The following ADAM28 variants were observed in gnomAD, a reference collection of about 807,000 sequenced individuals.
The protein encoded by ADAM28 is ADAM metallopeptidase domain 28.
ADAM28 carries 105 observed loss-of-function variants against 101.2 expected under a neutral mutation model. The ratio of observed to expected loss-of-function variants is 1.04; its 90% CI spans 0.89 to 1.22. The LOEUF is 1.22. Ranked by LOEUF, ADAM28 falls within the 50% of genes most tolerant of loss-of-function variation. The pLI is 0.00. For missense variants in ADAM28, 1,028 were observed against 945.4 expected, an observed-to-expected ratio of 1.09 and a Z score of -1.15; for synonymous variants, 322 against 310.6, an observed-to-expected ratio of 1.04 and a Z score of -0.39.
chr8:24,339,715 C>A, intron 15 of ADAM28, 147 bp downstream of exon 15: 1 of 674,486 alleles, frequency 1.5e-6, no homozygotes, highest in Non-Finnish European at 2.5e-6. Context: ...CTACTATGTG[C>A]CATGATGTGG....
chr8:24,332,509 G>C, intron 12 of ADAM28, 151 bp from the exon 13 acceptor site: 1 of 387,598 alleles, frequency 2.6e-6, no homozygotes, highest in Non-Finnish European at 4.7e-6. Flanking sequence ...CAAAATTTCA[G>C]GTTTTCTAAT....
At position 24,339,816 on chromosome 8, in the gene ADAM28, C is replaced by A. The variant is rs570904465; in HGVS notation, c.1670+248C>A. ...TGCTTCAGATGACACAAAGCACAGT[C>A]ATTGTTGGGTAGAATGAATGGTTGT... is the stretch of plus-strand genomic sequence containing the variant. On this transcript the variant is annotated intron_variant, in intron 15 of 22. Transcript: ENST00000265769. 3.3e-5 allele frequency among the ~76,000 whole-genome samples: 5 copies of A among 152,218 alleles called. No homozygotes were observed. The East Asian group carries it at 9.6e-4, about 29-fold the overall frequency.
At chr8:24,327,031 G>C (rs995681310) in intron 10 of ADAM28, among the ~76,000 whole-genome samples, 1 of 152,036 alleles carries the variant, frequency 6.6e-6, no homozygotes, top group Admixed American at 6.6e-5. Context: ...ACATAGTATT[G>C]GAAGTTCTGG....
At chr8:24,341,908 C>T (rs1291318321) in intron 16 of ADAM28, 151 bp downstream of exon 16, 1 of 906,900 alleles carries the variant, frequency 1.1e-6, no homozygotes, top group African/African-American at 1.7e-5. Context: ...GAATTTGGAA[C>T]ACAGAAATGA....
intron 1 of ADAM28, among the ~76,000 whole-genome samples, chr8:24,297,543 A>C (rs991504057): frequency 6.6e-5 from 10 of 152,222 alleles, no homozygotes; most frequent in African/African-American, 2.2e-4. Flanking sequence ...GTGTGTTCTA[A>C]TATAGCATTT....
chr8:24,323,625 C>T (rs971500789), intron 8 of ADAM28, among the ~76,000 whole-genome samples: 1 of 151,866 alleles, frequency 6.6e-6, no homozygotes, highest in Non-Finnish European at 1.5e-5. Flanking sequence ...GTTTACGGAC[C>T]TAAACTATCT....
Position 24,349,959 on chromosome 8 carries a change from A to C in ADAM28, c.2086A>C (p.Lys696Gln), listed in dbSNP as rs34932246. 4,183 of 1,613,518 alleles carry C rather than the reference A, an allele frequency of 2.6e-3. 102 individuals are homozygous for C. In the African/African-American group the frequency reaches 0.049, roughly 19 times the overall value. Residue 696 changes from lysine to glutamine, a missense_variant, in exon 19 of 23, where the codon AAG becomes CAG. Transcript: ENST00000265769. Reference sequence around the variant, plus strand: ...GCACCAGAGCTCCAGAGAAAAGCAGAAGAAAGATCAGAGGTGATCCTTTAT... The same window carrying C: ...GCACCAGAGCTCCAGAGAAAAGCAGCAGAAAGATCAGAGGTGATCCTTTAT... Reference protein sequence around the residue: ...IRHQSSREKQKKDQRPLSTTG... With the variant: ...IRHQSSREKQQKDQRPLSTTG...
intron 18 of ADAM28, chr8:24,346,832 TGTTA>T (rs970529837): frequency 6.6e-6 from 1 of 152,116 alleles, no homozygotes; most frequent in African/African-American, 2.4e-5. Flanking sequence ...ATAATCATTT[TGTTA>T]GTTTTCTTTG....
chr8:24,357,820 C>T lies in ADAM28; in HGVS notation c.*3416C>T, dbSNP rs933082864. On this transcript the variant is annotated 3_prime_UTR_variant, in exon 23 of 23. Coordinates refer to ENST00000265769, the MANE Select transcript of ADAM28 (RefSeq NM_014265.6). ...ATTTGTTCTCCCTTCTTTACTAGCA[C>T]CGAGGATTTGCTTGAAATCTCTGAT... 4 of 152,084 alleles carry T rather than the reference C, an allele frequency of 2.6e-5. No individual in the cohort carries two copies. Among genetic ancestry groups the T allele is most frequent in the African/African-American group, 9.7e-5 (4 of 41,412 alleles). The allele number at this position is 152,084 out of a possible 1,614,324, so 9.4% of individuals were successfully genotyped here. A position where few individuals can be genotyped will look rare whatever the true frequency, so the allele number is the denominator to read the frequency against.
At chr8:24,303,097 G>T (rs2129242113) in intron 2 of ADAM28, among the ~76,000 whole-genome samples, 1 of 152,028 alleles carries the variant, frequency 6.6e-6, no homozygotes, top group Admixed American at 6.5e-5. Flanking sequence ...TAGGTTGTCT[G>T]TTCACTCTGA....
At chr8:24,351,767 T>TAAC (rs1460348637) in intron 20 of ADAM28, among the ~76,000 whole-genome samples, 1 of 152,132 alleles carries the variant, frequency 6.6e-6, no homozygotes. Context: ...TAATCATTTA[T>TAAC]AACATTGGTA....
chr8:24,339,973 G>A (rs747456560), intron 15 of ADAM28, among the ~76,000 whole-genome samples: 31 of 152,092 alleles, frequency 2.0e-4, no homozygotes, highest in Non-Finnish European at 1.0e-4. Flanking sequence ...CTACCCAGAG[G>A]AATAACAGAT....
chr8:24,351,123 G>A (rs1040073604), intron 19 of ADAM28, 109 bp from the exon 20 acceptor site: 17 of 896,944 alleles, frequency 1.9e-5, no homozygotes, highest in Admixed American at 3.1e-5. Context: ...CCAGGCAATA[G>A]GCAAGAAAGA....
intron 6 of ADAM28, 30 bp downstream of exon 6, chr8:24,313,610 TCTCATGTATTCTG>T (rs767722337): frequency 6.3e-7 from 1 of 1,598,930 alleles, no homozygotes; most frequent in Non-Finnish European, 8.5e-7. Flanking sequence ...TTTGAAATGC[TCTCATGTATTCTG>T]CCCTGGTTTC....
intron 10 of ADAM28, among the ~76,000 whole-genome samples, chr8:24,329,207 T>C (rs1454762053): frequency 6.6e-6 from 1 of 152,138 alleles, no homozygotes; most frequent in African/African-American, 2.4e-5. Flanking sequence ...AGGTATCAAC[T>C]TCCCAACTTA....
At chr8:24,325,891 A>C (rs11994881) in intron 9 of ADAM28, among the ~76,000 whole-genome samples, 3,677 of 144,274 alleles carry the variant, frequency 0.025, 93 homozygotes, top group East Asian at 0.067. Context: ...AAAAAAAAAA[A>C]AAAAAAAAAC....
At chr8:24,322,579 A>G (rs566437452) in intron 8 of ADAM28, 41 of 152,168 alleles carry the variant, frequency 2.7e-4, no homozygotes, top group African/African-American at 9.6e-4. Flanking sequence ...AATCAGAACA[A>G]TGTGTTTTCC....
chr8:24,324,022 C>A lies in ADAM28; in HGVS notation c.890+19C>A. 6.2e-7 allele frequency: 1 copy of A among 1,608,794 alleles called. No individual in the cohort carries two copies. Among genetic ancestry groups the A allele is most frequent in the South Asian group, 1.1e-5 (1 of 90,540 alleles). On this transcript the variant is annotated intron_variant, in intron 9 of 22. Coordinates refer to ENST00000265769, the MANE Select transcript of ADAM28 (RefSeq NM_014265.6). ...TAATCACGTATGTACAGATTTTCTC[C>A]CATTGCACACTATGTGGTATTTAGT...
chr8:24,307,311 A>C (rs953217844), intron 2 of ADAM28, among the ~76,000 whole-genome samples: 1 of 152,200 alleles, frequency 6.6e-6, no homozygotes, highest in African/African-American at 2.4e-5. Context: ...TTATCATTAT[A>C]CAACTGTGCC....
Sources: allele counts gnomAD v4.1 joint callset (sites outside exome capture counted in the v4.1 genomes callset), GRCh38; gene constraint gnomAD v4.1.1; transcripts MANE v1.5; gene names NCBI Gene and HGNC (gene_info 2026-07-23, HGNC 2026-07-21).